FBLN5: variants seen among roughly 807,000 people sequenced by gnomAD.
The protein encoded by FBLN5 is fibulin 5.
FBLN5 carries 24 observed loss-of-function variants against 61.6 expected under a neutral mutation model. The observed-to-expected ratio is 0.39, with a 90% CI of 0.28 to 0.55. The LOEUF (loss-of-function observed/expected upper bound fraction) is 0.55, where lower values mean the gene tolerates loss of function less well. FBLN5 is among the 20% of genes least tolerant of loss of function. The pLI is 0.65. For synonymous variants in FBLN5, 213 were observed against 219.8 expected (o/e 0.97, Z 0.27); for missense variants, 470 against 594.1 (o/e 0.79, Z 2.17).
chr14:91,893,369 T>C (rs1226302878), intron 5 of FBLN5, among the ~76,000 whole-genome samples: 1 of 152,204 alleles, frequency 6.6e-6, no homozygotes, highest in Non-Finnish European at 1.5e-5. Flanking sequence ...GTGACTGTCA[T>C]ATTCACAGAC....
At chr14:91,870,474 C>G in intron 10 of FBLN5, 89 bp from the exon 11 acceptor site, 2 of 1,292,250 alleles carry the variant, frequency 1.5e-6, no homozygotes, top group Non-Finnish European at 2.2e-6. Flanking sequence ...CTCCGTCAGT[C>G]AAACTGGCAC....
At position 91,934,385 on chromosome 14, in the gene FBLN5, G is replaced by A. The variant is rs61988364; in HGVS notation, c.379+2562C>T. 3.3e-3 allele frequency among the ~76,000 whole-genome samples: 496 copies of A among 152,164 alleles called. 2 individuals carry two copies. Among genetic ancestry groups the A allele is most frequent in the African/African-American group, 5.9e-3 (245 of 41,522 alleles). ...ACAGGTTTCTTAGTTTCTCTGCTTC[G>A]GTTTCCTCATGGGTACAATAGGAAT... is the stretch of plus-strand genomic sequence containing the variant. On this transcript the variant is annotated intron_variant, in intron 4 of 10. Transcript: ENST00000342058.
At chr14:91,944,790 G>A (rs2056158786) in intron 1 of FBLN5, among the ~76,000 whole-genome samples, 1 of 152,240 alleles carries the variant, frequency 6.6e-6, no homozygotes, top group South Asian at 2.1e-4. Context: ...GTAACCAGGG[G>A]CTTAGTGGGA....
At position 91,947,184 on chromosome 14, in the gene FBLN5, G is replaced by A; in HGVS notation, c.17+29C>T. 8.1e-6 allele frequency: 13 copies of A among 1,614,090 alleles called. No individual in the cohort carries two copies. The highest frequency in any genetic ancestry group is 1.1e-5 in the Non-Finnish European group (13 of 1,179,914). ...TTTAGCAAGGCTTCCAGACCCTGGA[G>A]AAAGAAAAGTCCAGCGCCGAGAACC... On this transcript the variant is annotated intron_variant, in intron 1 of 10. Coordinates refer to ENST00000342058, the MANE Select transcript of FBLN5 (RefSeq NM_006329.4). This position sits in a 1 kb window ranked among gnomAD's most constrained non-coding sequence, Gnocchi z 4.3.
chr14:91,887,052 AC>A (rs1889756910), intron 7 of FBLN5, 140 bp downstream of exon 7: 2 of 882,820 alleles, frequency 2.3e-6, no homozygotes, highest in Admixed American at 3.4e-5. Flanking sequence ...TGTGATTCTG[AC>A]CCCACTGCCC....
At chr14:91,921,482 A>T (rs763606914) in intron 4 of FBLN5, among the ~76,000 whole-genome samples, 26 of 152,158 alleles carry the variant, frequency 1.7e-4, no homozygotes, top group Middle Eastern at 3.4e-3. Flanking sequence ...AATACATAAA[A>T]AGCCACCAAT....
intron 4 of FBLN5, among the ~76,000 whole-genome samples, chr14:91,902,284 T>G (rs56160152): frequency 0.59 from 82,961 of 139,496 alleles, 25,744 homozygotes; most frequent in Non-Finnish European, 0.7. Context: ...TTTGTTTGTT[T>G]TTTTTTTTTT....
intron 2 of FBLN5, chr14:91,942,158 A>G (rs1017775931): frequency 2.4e-5 from 11 of 455,906 alleles, no homozygotes; most frequent in African/African-American, 4.0e-5. Context: ...GGGCTGACAC[A>G]CAGGGGTCCA....
intron 4 of FBLN5, among the ~76,000 whole-genome samples, chr14:91,918,887 T>C (rs765204764): frequency 1.4e-4 from 21 of 151,840 alleles, no homozygotes; most frequent in Admixed American, 3.9e-4. Flanking sequence ...AAGTCTAAGG[T>C]AGATGGTGAG....
chr14:91,873,928 T>C (rs528061801), intron 10 of FBLN5: 1 of 152,450 alleles, frequency 6.6e-6, no homozygotes, highest in African/African-American at 2.4e-5. Context: ...TGGCACAGTC[T>C]GAACCCCATG....
chr14:91,937,065 G>A lies in FBLN5; in HGVS notation c.261C>T (p.Pro87=), dbSNP rs2056028802. Residue 87 remains proline (P), a synonymous_variant, in exon 4 of 11, where the codon CCC becomes CCT. Transcript: ENST00000342058. ...CAGCTGCTGGGTACGGACCTGAGTAGGGGGTCGAGTAGGGGTTCGAGTAGG... is the reference window on the plus strand; with the variant it reads ...CAGCTGCTGGGTACGGACCTGAGTAAGGGGTCGAGTAGGGGTTCGAGTAGG... ...RGPYSNPYST[P]YSGPYPAAAP... The A allele has an allele frequency of 1.2e-6, 2 of 1,614,078 alleles. No individual in the cohort carries two copies. The highest frequency in any genetic ancestry group is 1.7e-5 in the Admixed American group (1 of 60,014).
chr14:91,927,612 G>C (rs2055850959), intron 4 of FBLN5, among the ~76,000 whole-genome samples: 1 of 152,246 alleles, frequency 6.6e-6, no homozygotes, highest in African/African-American at 2.4e-5. Context: ...ATCATAGCAT[G>C]CACCTCCTAC....
At position 91,874,667 on chromosome 14, in the gene FBLN5, C is replaced by G. The variant is rs568071717; in HGVS notation, c.1185+2820G>C. On this transcript the variant is annotated intron_variant, in intron 10 of 10. Coordinates refer to ENST00000342058, the MANE Select transcript of FBLN5 (RefSeq NM_006329.4). ...TTAAAGGGTTACTGTATAGAAAGCA[C>G]TTAGAATAGTGTCTGGCACATACAG... 4 of 152,284 alleles carry G rather than the reference C, an allele frequency of 2.6e-5. No individual in the cohort carries two copies. In the East Asian group the frequency reaches 7.7e-4, roughly 29 times the overall value. 9.4% of individuals were successfully genotyped at this position (152,284 alleles called of 1,614,324 possible). A position where few individuals can be genotyped will look rare whatever the true frequency, so the allele number is the denominator to read the frequency against.
chr14:91,898,041 C>A (rs1377263234), intron 4 of FBLN5, among the ~76,000 whole-genome samples: 2 of 152,090 alleles, frequency 1.3e-5, no homozygotes, highest in Non-Finnish European at 2.9e-5. Context: ...CACAGCAAGA[C>A]CCCATCTCAA....
chr14:91,872,421 T>C (rs1288591733), intron 10 of FBLN5, among the ~76,000 whole-genome samples: 4 of 152,178 alleles, frequency 2.6e-5, no homozygotes, highest in Non-Finnish European at 5.9e-5. Context: ...TCACTTCCCA[T>C]ACACTGCAGA....
chr14:91,935,688 T>C (rs929447366), intron 4 of FBLN5, among the ~76,000 whole-genome samples: 2 of 152,178 alleles, frequency 1.3e-5, no homozygotes, highest in African/African-American at 4.8e-5. Flanking sequence ...ATGAAGAAGT[T>C]GAAGTTAAAG....
At chr14:91,946,787 T>C (rs1298846335) in intron 1 of FBLN5, 11 of 1,535,824 alleles carry the variant, frequency 7.2e-6, no homozygotes, top group Middle Eastern at 1.7e-4. Flanking sequence ...ATAGAGCAAA[T>C]CCAGCCCCGC....
chr14:91,919,361 GAAAAGAAAAGAAAAGA>G (rs1566819909), intron 4 of FBLN5, among the ~76,000 whole-genome samples: 3 of 114,716 alleles, frequency 2.6e-5, no homozygotes, highest in South Asian at 2.8e-4. Context: ...GAAAAGAAAA[GAAAAGAAAAGAAAAGA>G]AAAGAAAGAA....
intron 7 of FBLN5, among the ~76,000 whole-genome samples, chr14:91,884,974 C>T (rs1386382644): frequency 2.0e-5 from 3 of 152,208 alleles, no homozygotes; most frequent in African/African-American, 7.2e-5. Context: ...TGAGAACCCA[C>T]CATGGTTTCC....
Sources: gnomAD v4.1 joint callset for allele counts (sites outside exome capture counted in the v4.1 genomes callset) on GRCh38, gnomAD v4.1.1 for gene constraint, Gnocchi (gnomAD v3.1) non-coding constraint, MANE v1.5 for transcripts, NCBI Gene and HGNC (gene_info 2026-07-23, HGNC 2026-07-21) for gene names.